PDS5A: variants seen among roughly 807,000 people sequenced by gnomAD.
PDS5A encodes sister chromatid cohesion protein PDS5 homolog A.
Under a neutral mutation model 167.1 loss-of-function variants are expected in PDS5A, and 42 were observed. The ratio of observed to expected loss-of-function variants is 0.25; its 90% confidence interval spans 0.20 to 0.33. The LOEUF (loss-of-function observed/expected upper bound fraction) is 0.33. Among genes scored for constraint, PDS5A ranks in the 10% least tolerant of loss-of-function variants. PDS5A has a pLI of 1.00. For missense variants in PDS5A, 1,033 were observed against 1,605.9 expected (o/e 0.64, Z 6.10); for synonymous variants, 553 against 554.6 (o/e 1.00, Z 0.04).
At chr4:39,870,520 G>T (rs1006416500) in intron 21 of PDS5A, among the ~76,000 whole-genome samples, 1 of 151,986 alleles carries the variant, frequency 6.6e-6, no homozygotes, top group African/African-American at 2.4e-5. Context: ...CCTGGGAAGC[G>T]GAGGTTGTGA....
intron 7 of PDS5A, among the ~76,000 whole-genome samples, chr4:39,919,806 C>A (rs1407212106): frequency 1.3e-5 from 2 of 151,828 alleles, no homozygotes; most frequent in African/African-American, 2.4e-5. Context: ...CCTCAGTAAA[C>A]CTTTTTTTAA....
At chr4:39,893,727 G>GTGCCTAAGGGAGGTATTCTAAGTC (rs1254044439) in intron 16 of PDS5A, among the ~76,000 whole-genome samples, 6 of 152,194 alleles carry the variant, frequency 3.9e-5, no homozygotes, top group Non-Finnish European at 7.3e-5. Flanking sequence ...GTTTTCATGT[G>GTGCCTAAGGGAGGTATTCTAAGTC]TGCCTAAGGG....
intron 2 of PDS5A, 114 bp downstream of exon 2, chr4:39,976,326 G>A (rs1275744244): frequency 1.3e-5 from 9 of 714,238 alleles, no homozygotes; most frequent in South Asian, 8.5e-5. Flanking sequence ...ACCTTTCAGA[G>A]GGGGTAAGAG....
At chr4:39,909,056 A>AAAATAAAATAAAATT (rs1723652899) in intron 10 of PDS5A, among the ~76,000 whole-genome samples, 1 of 142,970 alleles carries the variant, frequency 7.0e-6, no homozygotes, top group African/African-American at 2.8e-5. Context: ...AAAATAAAAT[A>AAAATAAAATAAAATT]AAATAAAATA....
chr4:39,858,216 T>C (rs889824761), intron 26 of PDS5A, among the ~76,000 whole-genome samples: 2 of 152,194 alleles, frequency 1.3e-5, no homozygotes, highest in Non-Finnish European at 2.9e-5. Flanking sequence ...ATGGAATTTT[T>C]TAGAAATATA....
chr4:39,892,211 G>T (rs1722034017), intron 16 of PDS5A, among the ~76,000 whole-genome samples: 1 of 152,256 alleles, frequency 6.6e-6, no homozygotes, highest in Non-Finnish European at 1.5e-5. Flanking sequence ...AGGCCGAGGT[G>T]ACGGATCGTT....
Position 39,962,257 on chromosome 4 carries a change from T to C in PDS5A, c.138+14183A>G, listed in dbSNP as rs369039732. ...ATTTTTAGTAGAGACGGGGTTTCAC[T>C]GTGTTAGCCAGGATGGTCTTGATCT... On this transcript the variant is annotated intron_variant, in intron 2 of 32. Coordinates refer to ENST00000303538, the MANE Select transcript of PDS5A (RefSeq NM_001100399.2). Among the ~76,000 whole-genome samples, 269 of 151,840 alleles carry C rather than the reference T, an allele frequency of 1.8e-3. 1 individual carries two copies. The highest frequency in any genetic ancestry group is 8.1e-3 in the East Asian group (41 of 5,054).
rs776165237 is a variant in PDS5A at position 39,825,448 on chromosome 4, T to C, written c.*37A>G. On this transcript the variant is annotated 3_prime_UTR_variant, in exon 33 of 33. Transcript: ENST00000303538. ...TTTTGCAGAAGCTGGAGCCTGCTTC[T>C]GTTTGGCCTTCATTTTCTCCCTTTG... 1.9e-6 allele frequency: 3 copies of C among 1,565,264 alleles called. No homozygotes were observed. Among genetic ancestry groups the C allele is most frequent in the African/African-American group, 2.7e-5 (2 of 73,800 alleles).
intron 2 of PDS5A, among the ~76,000 whole-genome samples, chr4:39,957,801 A>AG (rs1729096017): frequency 1.3e-5 from 2 of 151,864 alleles, no homozygotes; most frequent in South Asian, 4.2e-4. Flanking sequence ...AAAAAAAAAA[A>AG]AAAAAGAAAT....
At position 39,876,997 on chromosome 4, in the gene PDS5A, G is replaced by T. The variant is rs374880952; in HGVS notation, c.2149C>A (p.Arg717=). The change falls in exon 19 of 33, where the codon CGA becomes AGA. Residue 717 remains arginine, a synonymous_variant. Transcript: ENST00000303538. ...CGGGAGAAAAAATGTACTCACGATCGTATCTGGGGAAGGTCTGTTTCTATT... is the reference window on the plus strand; with the variant it reads ...CGGGAGAAAAAATGTACTCACGATCTTATCTGGGGAAGGTCTGTTTCTATT... ...HKIETDLPQI[R]STLIPILHQK... is the part of the protein sequence containing the mutation. 28 of 1,606,018 alleles carry T rather than the reference G, an allele frequency of 1.7e-5. 1 individual carries two copies. The highest frequency in any genetic ancestry group is 3.3e-4 in the Middle Eastern group (2 of 6,022).
intron 2 of PDS5A, among the ~76,000 whole-genome samples, chr4:39,935,235 T>C (rs927003614): frequency 1.3e-5 from 2 of 152,264 alleles, no homozygotes; most frequent in Admixed American, 6.5e-5. Flanking sequence ...GCCTCCCAAG[T>C]AGCTGGGATT....
chr4:39,827,070 G>A (rs1037473575), intron 32 of PDS5A, among the ~76,000 whole-genome samples: 7 of 151,416 alleles, frequency 4.6e-5, no homozygotes, highest in African/African-American at 9.7e-5. Context: ...GCATGATCTC[G>A]GCTCACCACA....
intron 2 of PDS5A, among the ~76,000 whole-genome samples, chr4:39,967,179 C>A (rs905574638): frequency 6.6e-6 from 1 of 151,784 alleles, no homozygotes; most frequent in East Asian, 1.9e-4. Context: ...GTGGCACGCA[C>A]CTGTAATCCC....
At chr4:39,881,421 T>A (rs1378847979) in intron 17 of PDS5A, among the ~76,000 whole-genome samples, 1 of 152,120 alleles carries the variant, frequency 6.6e-6, no homozygotes, top group Non-Finnish European at 1.5e-5. Flanking sequence ...TGTTGAAGTT[T>A]AAACTAAGTT....
chr4:39,882,043 TC>T (rs1488541468), intron 17 of PDS5A, among the ~76,000 whole-genome samples: 1 of 152,162 alleles, frequency 6.6e-6, no homozygotes, highest in Non-Finnish European at 1.5e-5. Flanking sequence ...TTGTGAGGCC[TC>T]CCCAACCACG....
chr4:39,929,277 G>A (rs1224599487), intron 2 of PDS5A, among the ~76,000 whole-genome samples: 1 of 151,782 alleles, frequency 6.6e-6, no homozygotes, highest in African/African-American at 2.4e-5. Context: ...GGGAAGGCAG[G>A]TCCACTGTTA....
In PDS5A at chr4:39,823,507, G is replaced by A. The variant is rs1204392324; in HGVS notation, c.*1978C>T. The A allele has an allele frequency of 6.6e-6, 1 of 152,526 alleles. No homozygotes were observed. The highest frequency in any genetic ancestry group is 1.5e-5 in the Non-Finnish European group (1 of 68,028). 9.4% of individuals were successfully genotyped at this position (152,526 alleles called of 1,614,324 possible). On this transcript the variant is annotated 3_prime_UTR_variant, in exon 33 of 33. Coordinates refer to ENST00000303538, the MANE Select transcript of PDS5A (RefSeq NM_001100399.2). The stretch of plus-strand genomic sequence containing the variant: ...TTAATCAAAGGGAGGAAGAGACAAA[G>A]GTCCCTATCAATGCACTTTTTGTTG...
At chr4:39,930,246 A>AAAAAAAAAAAAAAAAAAAAT in intron 2 of PDS5A, among the ~76,000 whole-genome samples, 6 of 93,090 alleles carry the variant, frequency 6.4e-5, no homozygotes, top group Non-Finnish European at 1.1e-4. Context: ...AAAAAAAAAA[A>AAAAAAAAAAAAAAAAAAAAT]GTTTTTTTGT....
At chr4:39,877,230 A>G in intron 18 of PDS5A, 77 bp from the exon 19 acceptor site, 1 of 809,044 alleles carries the variant, frequency 1.2e-6, no homozygotes, top group South Asian at 2.5e-5. Flanking sequence ...CCCGCAAAAG[A>G]AAAAAAAAAT....
Sources: gnomAD v4.1 joint callset for allele counts (sites outside exome capture counted in the v4.1 genomes callset) on GRCh38, gnomAD v4.1.1 for gene constraint, MANE v1.5 for transcripts, NCBI Gene and HGNC (gene_info 2026-07-23, HGNC 2026-07-21) for gene names.